Variants in SPANXN4 observed in about 807,000 individuals in gnomAD.
The protein encoded by SPANXN4 is sperm protein associated with the nucleus on the X chromosome N4.
Under a neutral mutation model 6.0 loss-of-function variants are expected in SPANXN4, and 5 were observed. That is an observed-to-expected ratio of 0.83 (90% confidence interval 0.44 to 1.75). SPANXN4 has a LOEUF of 1.75. SPANXN4 is among the 40% of genes most tolerant of loss of function. The probability of loss-of-function intolerance (pLI) is 0.02; values close to 1 mark genes in which losing one functional copy is unlikely to be tolerated. For missense variants in SPANXN4, 157 were observed against 108.6 expected (o/e 1.45, Z -1.98); for synonymous variants, 45 against 38.0 (o/e 1.19, Z -0.68).
downstream of SPANXN4, among the ~76,000 whole-genome samples, chrX:143,034,860 C>A (rs1165735507): frequency 9.1e-6 from 1 of 110,337 alleles, no homozygotes; most frequent in East Asian, 2.9e-4. Flanking sequence ...TGGGAGTGGC[C>A]TGTGTCTACT....
chrX:143,038,485 C>T (rs929392239), downstream of SPANXN4, among the ~76,000 whole-genome samples: 3 of 111,648 alleles, frequency 2.7e-5, no homozygotes, highest in African/African-American at 6.5e-5. Flanking sequence ...ACCTCCTATC[C>T]CCATAGCTAA....
chrX:143,034,106 T>G, exon 2 of SPANXN4: 2 of 1,179,201 alleles, frequency 1.7e-6, no homozygotes, highest in Non-Finnish European at 2.3e-6. Flanking sequence ...AACATTAGTG[T>G]TTTACTGCAG....
intron 1 of SPANXN4, among the ~76,000 whole-genome samples, chrX:143,026,790 AT>A (rs1191204557): frequency 9.0e-6 from 1 of 111,002 alleles, no homozygotes; most frequent in Non-Finnish European, 1.9e-5. Context: ...AAAGAGGGAT[AT>A]GAAGGTGAGT....
chrX:143,037,318 T>C (rs1288506477), downstream of SPANXN4, among the ~76,000 whole-genome samples: 4 of 111,902 alleles, frequency 3.6e-5, no homozygotes, highest in African/African-American at 9.7e-5. Context: ...TATCATTTCT[T>C]CTAATTAGAG....
At chrX:143,034,621 A>G (rs1246367426) in exon 3 of SPANXN4, 1 of 1,166,173 alleles carries the variant, frequency 8.6e-7, no homozygotes, top group South Asian at 1.9e-5. Flanking sequence ...AAATGAAGAC[A>G]TCAGAATCAC....
exon 2 of SPANXN4, chrX:143,034,039 G>A: frequency 8.5e-7 from 1 of 1,174,397 alleles, no homozygotes; most frequent in Admixed American, 2.5e-5. Flanking sequence ...AGAAGAATCT[G>A]CACAGAGCCT....
At chrX:143,034,183 A>G in exon 2 of SPANXN4, 1 of 1,180,668 alleles carries the variant, frequency 8.5e-7, no homozygotes, top group African/African-American at 1.8e-5. Flanking sequence ...CCACTGATCC[A>G]ATCAAAGAGA....
chrX:143,028,450 T>A (rs1300359819), intron 1 of SPANXN4, among the ~76,000 whole-genome samples: 1 of 110,916 alleles, frequency 9.0e-6, no homozygotes, highest in East Asian at 2.9e-4. Context: ...TTTGTTTGTT[T>A]GTTTGTTTTT....
intron 1 of SPANXN4, among the ~76,000 whole-genome samples, chrX:143,031,440 T>A (rs1364944991): frequency 9.0e-6 from 1 of 111,592 alleles, no homozygotes; most frequent in East Asian, 2.8e-4. Flanking sequence ...CCTGTCAGTC[T>A]TCAGTTAGAG....
At chrX:143,037,742 C>T (rs1286376612), downstream of SPANXN4, among the ~76,000 whole-genome samples, 1 of 111,266 alleles carries the variant, frequency 9.0e-6, no homozygotes, top group African/African-American at 3.3e-5. Context: ...CAGTTTCCTC[C>T]ATGTTGCTCT....
At position 143,027,956 on chromosome X, in the gene SPANXN4, G is replaced by A. The variant is rs190421737; in HGVS notation, c.78+1864G>A. Among the ~76,000 whole-genome samples, 181 of 111,392 alleles carry A rather than the reference G, an allele frequency of 1.6e-3. 1 individual carries two copies. Among genetic ancestry groups the A allele is most frequent in the Non-Finnish European group, 2.8e-3 (146 of 53,072 alleles). ...ATGGGCTATCCAGGGACATGGGGAA[G>A]GGACACCAGGAAAGATCTGAAATAA... On this transcript the variant is annotated intron_variant, in intron 1 of 2. Transcript: ENST00000370504.
chrX:143,037,892 C>T (rs1932851298), downstream of SPANXN4, among the ~76,000 whole-genome samples: 1 of 111,348 alleles, frequency 9.0e-6, no homozygotes. Flanking sequence ...TTCTAAGTTT[C>T]CTTGAGGCCT....
chrX:143,029,271 C>T (rs920965110), intron 1 of SPANXN4, among the ~76,000 whole-genome samples: 1 of 111,479 alleles, frequency 9.0e-6, no homozygotes, highest in African/African-American at 3.3e-5. Flanking sequence ...ATGAGGGTTC[C>T]TTTTGTAGTT....
chrX:143,035,472 A>G (rs1932839108), downstream of SPANXN4, among the ~76,000 whole-genome samples: 1 of 110,596 alleles, frequency 9.0e-6, no homozygotes, highest in Non-Finnish European at 1.9e-5. Flanking sequence ...TTTTTATATT[A>G]TATAAATTTA....
At chrX:143,029,828 T>TC (rs1488210754) in intron 1 of SPANXN4, among the ~76,000 whole-genome samples, 2 of 111,072 alleles carry the variant, frequency 1.8e-5, no homozygotes, top group African/African-American at 6.6e-5. Context: ...TTTCTGTACC[T>TC]CTAAGGCCAG....
chrX:143,027,660 G>A (rs962054076), intron 1 of SPANXN4, among the ~76,000 whole-genome samples: 13 of 111,435 alleles, frequency 1.2e-4, no homozygotes, highest in African/African-American at 2.9e-4. Flanking sequence ...CTGGGTTTAC[G>A]TGGCCAGTTT....
chrX:143,030,853 C>A lies in SPANXN4; in HGVS notation c.79-3175C>A, dbSNP rs780369330. The stretch of plus-strand genomic sequence containing the variant: ...AAGTTGACAGACTTGAGAATCTGAG[C>A]TTGTTAAACTTTACAGATAATAGGC... On this transcript the variant is annotated intron_variant, in intron 1 of 2. Coordinates refer to ENST00000370504, the Ensembl canonical transcript of SPANXN4. 2.7e-5 allele frequency among the ~76,000 whole-genome samples: 3 copies of A among 111,430 alleles called. No homozygotes were observed. In the Admixed American group the frequency reaches 2.8e-4, roughly 11 times the overall value.
chrX:143,032,497 C>G (rs1054375581), intron 1 of SPANXN4, among the ~76,000 whole-genome samples: 1 of 109,479 alleles, frequency 9.1e-6, no homozygotes, highest in Admixed American at 9.8e-5. Context: ...TTTTTTTAAC[C>G]AGGCTGAAAT....
intron 1 of SPANXN4, among the ~76,000 whole-genome samples, chrX:143,033,426 A>G: frequency 9.0e-6 from 1 of 111,194 alleles, no homozygotes; most frequent in Admixed American, 9.5e-5. Flanking sequence ...AGGGTTAAAG[A>G]CACACAAAGA....
Sources: allele counts gnomAD v4.1 joint callset (sites outside exome capture counted in the v4.1 genomes callset), GRCh38; gene constraint gnomAD v4.1.1; transcripts MANE v1.5; gene names NCBI Gene and HGNC (gene_info 2026-07-23, HGNC 2026-07-21).